Variants in CHL1 observed in about 807,000 individuals in gnomAD.
CHL1 encodes the protein neural cell adhesion molecule L1-like protein.
In CHL1, 96 loss-of-function variants were observed where a neutral mutation model predicts 141.9. That is an observed-to-expected ratio of 0.68 (90% CI 0.57 to 0.80). The LOEUF (loss-of-function observed/expected upper bound fraction) is 0.80, where lower values mean the gene tolerates loss of function less well. CHL1 is among the 30% of genes least tolerant of loss of function. The pLI, the probability that CHL1 is intolerant of heterozygous loss-of-function variation, is 0.00. For synonymous variants in CHL1, 613 were observed against 502.2 expected (o/e 1.22, Z -2.95); for missense variants, 1,820 against 1,457.2 (o/e 1.25, Z -4.05).
chr3:244,456 C>A (rs1450373074), intron 1 of CHL1, among the ~76,000 whole-genome samples, 157 bp from the exon 2 acceptor site: 3 of 151,904 alleles, frequency 2.0e-5, no homozygotes, highest in Non-Finnish European at 4.4e-5. Flanking sequence ...AGCAACAGAG[C>A]AATACTATAG....
Position 354,750 on chromosome 3 carries a change from G to C in CHL1, c.1144G>C (p.Val382Leu), listed in dbSNP as rs1195301845. The change falls in exon 11 of 28, where the codon GTC becomes CTC. Residue 382 changes from valine (V) to leucine (L), a missense_variant. Coordinates refer to ENST00000256509, the MANE Select transcript of CHL1 (RefSeq NM_006614.4). Reference protein sequence around the residue: ...GEPQPTIKWRVNGSPVDNHPF... With the variant: ...GEPQPTIKWRLNGSPVDNHPF... ...ACCTCAACCCACAATCAAGTGGAGA[G>C]TCAATGGCTCCCCAGTTGACAGTAA... is the stretch of plus-strand genomic sequence containing the variant. The C allele has an allele frequency of 6.2e-7, 1 of 1,613,800 alleles. No homozygotes were observed. Among genetic ancestry groups the C allele is most frequent in the Non-Finnish European group, 8.5e-7 (1 of 1,179,826 alleles).
In CHL1 at chr3:281,450, C is replaced by T. The variant is rs544209784; in HGVS notation, c.-95+36758C>T. Among the ~76,000 whole-genome samples the T allele has an allele frequency of 2.0e-5, 3 of 152,236 alleles. No homozygotes were observed. The South Asian group carries it at 6.2e-4, about 32-fold the overall frequency. ...TGGTCATGTCGGTTCTCCTGGACTA[C>T]CAGAGCCCAGAAATCTTCTCTTGTT... On this transcript the variant is annotated intron_variant, in intron 2 of 27. Transcript: ENST00000256509.
intron 12 of CHL1, 138 bp from the exon 13 acceptor site, chr3:361,561 C>G: frequency 1.7e-6 from 1 of 587,074 alleles, no homozygotes; most frequent in South Asian, 2.3e-5. Context: ...AATTGGGATA[C>G]TTCTATAATT....
intron 1 of CHL1, among the ~76,000 whole-genome samples, chr3:242,513 T>C (rs370287005): frequency 3.3e-5 from 5 of 151,914 alleles, no homozygotes; most frequent in East Asian, 3.9e-4. Flanking sequence ...GGAGAATGGC[T>C]TGAACCAGGG....
intron 1 of CHL1, among the ~76,000 whole-genome samples, chr3:227,342 T>A (rs889721243): frequency 6.6e-6 from 1 of 152,216 alleles, no homozygotes; most frequent in Non-Finnish European, 1.5e-5. Flanking sequence ...AATACACCTG[T>A]GTGCAAGCTC....
At chr3:363,446 C>A in intron 14 of CHL1, 63 bp downstream of exon 14, 2 of 1,416,058 alleles carry the variant, frequency 1.4e-6, no homozygotes, top group Non-Finnish European at 1.9e-6. Context: ...TCTTCATTTG[C>A]CCAAATGGAA....
At chr3:335,396 T>C (rs1322367573) in intron 5 of CHL1, among the ~76,000 whole-genome samples, 1 of 152,230 alleles carries the variant, frequency 6.6e-6, no homozygotes, top group Non-Finnish European at 1.5e-5. Flanking sequence ...AAGCCAGTGT[T>C]ATTTCTCTGT....
chr3:229,182 T>A (rs1701647167), intron 1 of CHL1, among the ~76,000 whole-genome samples: 1 of 152,232 alleles, frequency 6.6e-6, no homozygotes, highest in Non-Finnish European at 1.5e-5. Flanking sequence ...TCACTTCTTA[T>A]TAATTATAAT....
At chr3:322,414 G>C (rs745330661) in intron 3 of CHL1, among the ~76,000 whole-genome samples, 3 of 151,660 alleles carry the variant, frequency 2.0e-5, no homozygotes, top group Non-Finnish European at 4.4e-5. Context: ...TGGGGTCCCA[G>C]GGACACATCC....
chr3:339,333 T>C (rs447353), intron 5 of CHL1, among the ~76,000 whole-genome samples: 16,326 of 152,306 alleles, frequency 0.11, 1,058 homozygotes, highest in South Asian at 0.15. Context: ...GCTGGCATGA[T>C]GTTTTATCTA....
chr3:312,174 C>G (rs1476288815), intron 2 of CHL1, among the ~76,000 whole-genome samples: 2 of 152,058 alleles, frequency 1.3e-5, no homozygotes, highest in East Asian at 3.9e-4. Context: ...TAGTTTATCC[C>G]ACATCATTAT....
At chr3:365,803 A>C (rs1704805258) in intron 14 of CHL1, 147 bp from the exon 15 acceptor site, 1 of 586,706 alleles carries the variant, frequency 1.7e-6, no homozygotes, top group South Asian at 2.4e-5. Context: ...TAATAATGAC[A>C]TACAATGTTA....
intron 10 of CHL1, among the ~76,000 whole-genome samples, chr3:350,621 G>A (rs182860080): frequency 5.5e-4 from 83 of 151,216 alleles, no homozygotes; most frequent in African/African-American, 2.0e-3. Context: ...AAAAAAAAAG[G>A]ACTCAGACAC....
At chr3:325,410 A>T (rs1402025912) in intron 3 of CHL1, among the ~76,000 whole-genome samples, 1 of 151,882 alleles carries the variant, frequency 6.6e-6, no homozygotes, top group Non-Finnish European at 1.5e-5. Context: ...AAAAAAGGAA[A>T]AATCTATTTA....
At chr3:306,378 G>A (rs1699230390) in intron 2 of CHL1, among the ~76,000 whole-genome samples, 1 of 152,098 alleles carries the variant, frequency 6.6e-6, no homozygotes, top group African/African-American at 2.4e-5. Context: ...CATATCCAAA[G>A]CACTGATACA....
At position 319,880 on chromosome 3, in the gene CHL1, C is replaced by T. The variant is rs1259717731; in HGVS notation, c.91+13C>T. On this transcript the variant is annotated intron_variant, in intron 3 of 27. Transcript: ENST00000256509. ...ATACCATCTTCAGGTAAAGTTAAAA[C>T]ATTCAGTGCCTATTAATGGAATTTC... 1 of 1,384,842 alleles carries T rather than the reference C, an allele frequency of 7.2e-7. No individual in the cohort carries two copies. 85.8% of individuals were successfully genotyped at this position (1,384,842 alleles called of 1,614,324 possible).
Position 363,234 on chromosome 3 carries a change from T to C in CHL1, c.1436T>C (p.Val479Ala), listed in dbSNP as rs1242750074. 6.2e-7 allele frequency: 1 copy of C among 1,610,456 alleles called. No homozygotes were observed. ...AVVSWQKVEE[V>A]KPLEGRRYHI... ...GTCCATAGGCAGAAGGTGGAAGAAGTGAAACCCCTGGAGGGCAGGCGGTAT... is the reference window on the plus strand; with the variant it reads ...GTCCATAGGCAGAAGGTGGAAGAAGCGAAACCCCTGGAGGGCAGGCGGTAT... The change falls in exon 14 of 28, where the codon GTG becomes GCG. Residue 479 changes from valine to alanine, a missense_variant. Transcript: ENST00000256509.
At chr3:348,958 A>T (rs1244321952) in intron 9 of CHL1, among the ~76,000 whole-genome samples, 2 of 152,264 alleles carry the variant, frequency 1.3e-5, no homozygotes, top group Non-Finnish European at 2.9e-5. Context: ...CAAACAGGGA[A>T]TAGGGCTGTT....
intron 2 of CHL1, among the ~76,000 whole-genome samples, chr3:266,941 T>G (rs941187298): frequency 2.6e-5 from 4 of 152,208 alleles, no homozygotes; most frequent in African/African-American, 9.6e-5. Context: ...CTTGAAATAC[T>G]AGGAATCAAG....
Sources: gnomAD v4.1 joint callset for allele counts (sites outside exome capture counted in the v4.1 genomes callset) on GRCh38, gnomAD v4.1.1 for gene constraint, MANE v1.5 for transcripts, NCBI Gene and HGNC (gene_info 2026-07-23, HGNC 2026-07-21) for gene names.